DIAPH3: variants seen among roughly 807,000 people sequenced by gnomAD.
DIAPH3 encodes diaphanous related formin 3, also known as protein diaphanous homolog 3.
A neutral mutation model predicts 144.3 loss-of-function variants in DIAPH3; 117 were observed. The observed-to-expected ratio is 0.81, with a 90% CI of 0.70 to 0.95. DIAPH3 has a LOEUF of 0.95. Ranked by LOEUF, DIAPH3 falls within the 40% of genes least tolerant of loss-of-function variation. The probability of loss-of-function intolerance (pLI) is 0.00; values close to 1 mark genes in which losing one functional copy is unlikely to be tolerated. For synonymous variants in DIAPH3, 519 were observed against 488.9 expected, an observed-to-expected ratio of 1.06 and a Z score of -0.81; for missense variants, 1,421 against 1,412.7, an observed-to-expected ratio of 1.01 and a Z score of -0.09.
intron 17 of DIAPH3, among the ~76,000 whole-genome samples, chr13:59,968,573 A>G (rs2050183196): frequency 6.6e-6 from 1 of 152,178 alleles, no homozygotes; most frequent in Non-Finnish European, 1.5e-5. Flanking sequence ...GTGTTCAAAG[A>G]CCAAAAATAT....
intron 27 of DIAPH3, among the ~76,000 whole-genome samples, chr13:59,728,415 G>T (rs1353341077): frequency 6.6e-6 from 1 of 151,838 alleles, no homozygotes; most frequent in Non-Finnish European, 1.5e-5. Context: ...ATAAAAATGG[G>T]AAAAGAGATT....
chr13:60,093,708 T>A lies in DIAPH3; in HGVS notation c.415A>T (p.Lys139Ter), dbSNP rs780755805. Residue 139 changes from lysine to a stop codon, truncating the protein, a stop_gained, in exon 4 of 28, where the codon AAA becomes TAA. Coordinates refer to ENST00000400324, the MANE Select transcript of DIAPH3 (RefSeq NM_001042517.2). LOFTEE classifies it high-confidence loss of function. The part of the protein sequence containing the change: ...MMEDMNLNED[K>*]KAPLREKDFS... ...TCCTTTTCCCGCAATGGTGCCTTTT[T>A]ATCTTCATTTAAATTCATATCTTCC... The A allele has an allele frequency of 6.2e-7, 1 of 1,612,212 alleles. No individual in the cohort carries two copies. Among genetic ancestry groups the A allele is most frequent in the East Asian group, 2.2e-5 (1 of 44,780 alleles).
intron 17 of DIAPH3, among the ~76,000 whole-genome samples, chr13:59,969,331 T>C (rs552194411): frequency 2.0e-5 from 3 of 152,332 alleles, no homozygotes; most frequent in South Asian, 2.1e-4. Flanking sequence ...ATAAATCTGA[T>C]ATTTTTATCC....
At chr13:59,748,512 TC>T (rs2036817446) in intron 27 of DIAPH3, among the ~76,000 whole-genome samples, 1 of 152,210 alleles carries the variant, frequency 6.6e-6, no homozygotes, top group Non-Finnish European at 1.5e-5. Context: ...AAACAAAATA[TC>T]ATTATTGATC....
At chr13:59,855,885 C>CAT (rs1229624628) in intron 22 of DIAPH3, among the ~76,000 whole-genome samples, 10 of 151,174 alleles carry the variant, frequency 6.6e-5, no homozygotes, top group Non-Finnish European at 1.2e-4. Context: ...GGAAAAGAAA[C>CAT]ATATATATAT....
intron 9 of DIAPH3, among the ~76,000 whole-genome samples, chr13:59,993,712 A>AAAAAAAAAC (rs2051994915): frequency 6.7e-6 from 1 of 149,908 alleles, no homozygotes; most frequent in Admixed American, 6.7e-5. Flanking sequence ...TAAAAAAAAA[A>AAAAAAAAAC]AAAAAAAAAA....
intron 27 of DIAPH3, among the ~76,000 whole-genome samples, chr13:59,764,732 G>A (rs938645364): frequency 2.0e-5 from 3 of 151,626 alleles, no homozygotes; most frequent in East Asian, 1.9e-4. Flanking sequence ...GGAACACCAA[G>A]GACCACCAGC....
chr13:60,056,486 C>T (rs949961933), intron 4 of DIAPH3, among the ~76,000 whole-genome samples: 2 of 151,632 alleles, frequency 1.3e-5, no homozygotes, highest in African/African-American at 2.4e-5. Flanking sequence ...CCCATATGTA[C>T]TTGTGTATTT....
chr13:59,772,310 G>C (rs1166076578), intron 27 of DIAPH3, among the ~76,000 whole-genome samples: 3 of 151,948 alleles, frequency 2.0e-5, no homozygotes, highest in Non-Finnish European at 2.9e-5. Context: ...TGGTCATTTG[G>C]ATTTCTTTCT....
intron 4 of DIAPH3, among the ~76,000 whole-genome samples, chr13:60,080,459 A>G (rs1388724614): frequency 1.3e-5 from 2 of 151,896 alleles, no homozygotes; most frequent in Admixed American, 6.6e-5. Context: ...TCACTTTCTA[A>G]TTTGAAACCC....
At chr13:59,992,707 C>G in intron 9 of DIAPH3, 124 bp from the exon 10 acceptor site, 3 of 757,072 alleles carry the variant, frequency 4.0e-6, no homozygotes, top group Non-Finnish European at 6.7e-6. Context: ...AATTTGTAAG[C>G]AAAATATTTC....
chr13:60,069,961 T>A (rs1361646655), intron 4 of DIAPH3, among the ~76,000 whole-genome samples: 1 of 152,212 alleles, frequency 6.6e-6, no homozygotes, highest in Non-Finnish European at 1.5e-5. Flanking sequence ...CTATTCAAGC[T>A]CTTTTTTGGC....
chr13:60,013,279 G>C, intron 7 of DIAPH3: 1 of 937,350 alleles, frequency 1.1e-6, no homozygotes, highest in African/African-American at 1.8e-5. Flanking sequence ...TGATGTTTTA[G>C]GTAGAGGAAA....
Position 59,911,800 on chromosome 13 carries a change from T to G in DIAPH3, c.2302A>C (p.Asn768His). The G allele has an allele frequency of 1.2e-6, 2 of 1,613,500 alleles. No individual in the cohort carries two copies. Among genetic ancestry groups the G allele is most frequent in the South Asian group, 2.2e-5 (2 of 91,050 alleles). ...IKHLPDQEQL[N>H]SLSQFKSEYS... is the part of the protein sequence containing the mutation. ...TCACTCTTGAACTGAGACAATGAAT[T>G]TAATTGCTCTTGATCAGGAAGATGC... is the stretch of plus-strand genomic sequence containing the variant. Residue 768 changes from asparagine to histidine, a missense_variant, in exon 20 of 28, where the codon AAT (asparagine) becomes CAT (histidine). Asn to His is a moderately conservative substitution (Grantham distance 68, BLOSUM62 1). Transcript: ENST00000400324.
At chr13:59,882,928 C>G (rs983082849) in intron 20 of DIAPH3, among the ~76,000 whole-genome samples, 3 of 152,138 alleles carry the variant, frequency 2.0e-5, no homozygotes, top group African/African-American at 7.2e-5. Context: ...CCCCCACACA[C>G]AGATGTCATA....
intron 9 of DIAPH3, among the ~76,000 whole-genome samples, chr13:59,995,429 A>G (rs1284042417): frequency 6.6e-6 from 1 of 151,950 alleles, no homozygotes; most frequent in Non-Finnish European, 1.5e-5. Context: ...AGGAACTTCC[A>G]TCTTCTTGAG....
chr13:60,043,896 T>C (rs1203922747), intron 4 of DIAPH3, among the ~76,000 whole-genome samples: 1 of 152,102 alleles, frequency 6.6e-6, no homozygotes, highest in Non-Finnish European at 1.5e-5. Flanking sequence ...ATATGAGACA[T>C]GCAATTTTAA....
At chr13:59,984,099 T>C (rs2051216890) in intron 12 of DIAPH3, among the ~76,000 whole-genome samples, 1 of 151,672 alleles carries the variant, frequency 6.6e-6, no homozygotes, top group Admixed American at 6.6e-5. Flanking sequence ...TTTTATAGTC[T>C]TTTAGGAAAT....
chr13:59,851,331 AATAGTCTTCTCTCAAATACCAACAT>A (rs1488020442), intron 22 of DIAPH3, among the ~76,000 whole-genome samples: 2 of 152,142 alleles, frequency 1.3e-5, no homozygotes, highest in African/African-American at 4.8e-5. Context: ...CTTTGCCTGG[AATAGTCTTCTCTCAAATACCAACAT>A]AAATGGCCTC....
Sources: gnomAD v4.1 joint callset for allele counts (sites outside exome capture counted in the v4.1 genomes callset) on GRCh38, gnomAD v4.1.1 for gene constraint, MANE v1.5 for transcripts, NCBI Gene and HGNC (gene_info 2026-07-23, HGNC 2026-07-21) for gene names.